MYO9A: variants seen among roughly 807,000 people sequenced by gnomAD.
MYO9A encodes the protein myosin IXA.
Under a neutral mutation model 293.3 loss-of-function variants are expected in MYO9A, and 103 were observed. The observed-to-expected ratio is 0.35, with a 90% CI of 0.30 to 0.41. The LOEUF (loss-of-function observed/expected upper bound fraction) is 0.41. Ranked by LOEUF, MYO9A falls within the 10% of genes least tolerant of loss-of-function variation. The pLI is 1.00. For missense variants in MYO9A, 2,685 were observed against 3,033.0 expected, an observed-to-expected ratio of 0.89 and a Z score of 2.69; for synonymous variants, 1,001 against 1,035.7, an observed-to-expected ratio of 0.97 and a Z score of 0.64.
intron 15 of MYO9A, among the ~76,000 whole-genome samples, chr15:71,947,642 A>G (rs1461159316): frequency 6.6e-6 from 1 of 152,196 alleles, no homozygotes; most frequent in African/African-American, 2.4e-5. Context: ...ACAATCCACT[A>G]AACTTTCAAT....
intron 5 of MYO9A, among the ~76,000 whole-genome samples, chr15:72,019,572 A>T (rs561491590): frequency 4.6e-5 from 7 of 152,342 alleles, no homozygotes; most frequent in Admixed American, 3.3e-4. Flanking sequence ...AAGCTATTTA[A>T]TTCTATGTGT....
chr15:72,059,992 T>C (rs28446198), intron 1 of MYO9A, among the ~76,000 whole-genome samples: 1,949 of 152,320 alleles, frequency 0.013, 28 homozygotes, highest in African/African-American at 0.02. Flanking sequence ...AGCCACCATA[T>C]GCACAGACTA....
In MYO9A at chr15:71,840,285, G is replaced by A. The variant is rs147385809; in HGVS notation, c.6837+8560C>T. On this transcript the variant is annotated intron_variant, in intron 39 of 41. Transcript: ENST00000356056. ...TAGTTCTGCATCCATTGGATGTGGA[G>A]TCCTTTTTCCTTGCACCTGAGTTGT... 5.6e-3 allele frequency among the ~76,000 whole-genome samples: 860 copies of A among 152,372 alleles called. 12 individuals carry two copies. The highest frequency in any genetic ancestry group is 0.02 in the African/African-American group (814 of 41,588).
At chr15:72,082,816 G>A (rs185906535) in intron 1 of MYO9A, among the ~76,000 whole-genome samples, 23 of 149,928 alleles carry the variant, frequency 1.5e-4, no homozygotes, top group Non-Finnish European at 3.0e-4. Flanking sequence ...TTTATGTGAC[G>A]AATCACATTT....
rs187182350 is a variant in MYO9A, at chr15:72,001,526, C to A, written c.1381-1586G>T. Among the ~76,000 whole-genome samples the A allele has an allele frequency of 4.5e-4, 63 of 138,722 alleles. 1 individual carries two copies. In the East Asian group the frequency reaches 0.01, roughly 23 times the overall value. 91.0% of individuals were successfully genotyped at this position (138,722 alleles called of 152,430 possible). A position where few individuals can be genotyped will look rare whatever the true frequency, so the allele number is the denominator to read the frequency against. ...CCGAGACCACACCACTGCACTCCAG[C>A]CTAGGAGACAGAGTCAGACTCCATC... On this transcript the variant is annotated intron_variant, in intron 8 of 41. Transcript: ENST00000356056.
chr15:71,863,258 C>A (rs1244925354), intron 32 of MYO9A, among the ~76,000 whole-genome samples: 1 of 151,804 alleles, frequency 6.6e-6, no homozygotes, highest in South Asian at 2.1e-4. Context: ...TTTGTAATCT[C>A]AGGAAACTTT....
chr15:72,024,866 T>C (rs1051443155), intron 4 of MYO9A, among the ~76,000 whole-genome samples: 3 of 151,728 alleles, frequency 2.0e-5, no homozygotes, highest in Non-Finnish European at 4.4e-5. Context: ...AATGGTACAC[T>C]AGAAAACATT....
At chr15:71,925,486 ATCTG>A (rs909215878) in intron 18 of MYO9A, among the ~76,000 whole-genome samples, 15 of 151,370 alleles carry the variant, frequency 9.9e-5, no homozygotes, top group African/African-American at 3.2e-4. Flanking sequence ...CTTACTATTT[ATCTG>A]TCTGTTTTGG....
chr15:72,010,265 T>C, intron 7 of MYO9A, 85 bp downstream of exon 7: 1 of 1,114,800 alleles, frequency 9.0e-7, no homozygotes, highest in Non-Finnish European at 1.3e-6. Context: ...TAGAAAACTA[T>C]TTAAAAAGGT....
intron 20 of MYO9A, 60 bp from the exon 21 acceptor site, chr15:71,904,099 T>C (rs2057561108): frequency 1.5e-5 from 20 of 1,308,978 alleles, no homozygotes; most frequent in Non-Finnish European, 2.2e-5. Context: ...AATTATCTGT[T>C]TATAAGCATG....
At chr15:71,932,649 T>G (rs2058510024) in intron 18 of MYO9A, among the ~76,000 whole-genome samples, 1 of 151,782 alleles carries the variant, frequency 6.6e-6, no homozygotes, top group Non-Finnish European at 1.5e-5. Context: ...GGAGTGTGCT[T>G]TTTAACTGCT....
At position 71,898,756 on chromosome 15, in the gene MYO9A, A is replaced by G. The variant is rs769603326; in HGVS notation, c.3747T>C (p.Asp1249=). The G allele has an allele frequency of 6.8e-6, 11 of 1,613,906 alleles. No homozygotes were observed. The highest frequency in any genetic ancestry group is 9.3e-6 in the Non-Finnish European group (11 of 1,179,960). The change falls in exon 25 of 42, where the codon GAT becomes GAC. Residue 1249 remains aspartate (D), a synonymous_variant. Coordinates refer to ENST00000356056, the MANE Select transcript of MYO9A (RefSeq NM_006901.4). ...QSQSGVDLQE[D]VLVRERPRSL... is the part of the protein sequence containing the mutation. ...ATCTGGGTCTCTCTCTTACAAGCACATCTTCCTGCAAGTCCACACCACTCT... is the reference window on the plus strand; with the variant it reads ...ATCTGGGTCTCTCTCTTACAAGCACGTCTTCCTGCAAGTCCACACCACTCT...
chr15:71,957,217 T>A (rs531320781), intron 14 of MYO9A, among the ~76,000 whole-genome samples: 2 of 152,174 alleles, frequency 1.3e-5, no homozygotes, highest in Non-Finnish European at 2.9e-5. Flanking sequence ...ATTTTCCATA[T>A]CCTCACTAAA....
chr15:71,826,322 C>A lies in MYO9A; in HGVS notation c.*258G>T. 1 of 408,506 alleles carries A rather than the reference C, an allele frequency of 2.4e-6. No homozygotes were observed. The highest frequency in any genetic ancestry group is 4.3e-6 in the Non-Finnish European group (1 of 231,558). The allele number at this position is 408,506 out of a possible 1,614,324, so 25.3% of individuals were successfully genotyped here. A position where few individuals can be genotyped will look rare whatever the true frequency, so the allele number is the denominator to read the frequency against. On this transcript the variant is annotated 3_prime_UTR_variant, in exon 42 of 42. Coordinates refer to ENST00000356056, the MANE Select transcript of MYO9A (RefSeq NM_006901.4). ...AGGCAACTACAACTGACCCAAATCC[C>A]CAGGCCCTAGGTGGCTTTGTATAGT...
At chr15:72,011,215 T>C (rs1190423546) in intron 6 of MYO9A, among the ~76,000 whole-genome samples, 1 of 151,920 alleles carries the variant, frequency 6.6e-6, no homozygotes, top group Non-Finnish European at 1.5e-5. Context: ...TTTCACCACA[T>C]TGCCCAGGCT....
chr15:72,051,242 T>C (rs1486360871), intron 1 of MYO9A, among the ~76,000 whole-genome samples: 1 of 152,154 alleles, frequency 6.6e-6, no homozygotes, highest in African/African-American at 2.4e-5. Flanking sequence ...GGCCCATCTA[T>C]AGCGGCCACT....
chr15:72,094,347 T>C lies in MYO9A; in HGVS notation c.-72+23333A>G, dbSNP rs2080011020. 4.1e-5 allele frequency among the ~76,000 whole-genome samples: 2 copies of C among 48,622 alleles called. 1 individual carries two copies. The highest frequency in any genetic ancestry group is 7.3e-5 in the African/African-American group (2 of 27,518). The allele number at this position is 48,622 out of a possible 152,430, so 31.9% of individuals were successfully genotyped here. On this transcript the variant is annotated intron_variant, in intron 1 of 41. Transcript: ENST00000356056. ...CCTCATTTTATCGCACTTTGCTTTA[T>C]TGCACTTCACAGATAGTGATTTTTT...
intron 1 of MYO9A, among the ~76,000 whole-genome samples, chr15:72,079,953 T>G (rs919683567): frequency 1.3e-5 from 2 of 152,234 alleles, no homozygotes; most frequent in African/African-American, 4.8e-5. Context: ...CATTTTTACC[T>G]GTAAGTATTT....
chr15:71,828,590 G>A (rs138780764), intron 40 of MYO9A, among the ~76,000 whole-genome samples: 3 of 152,116 alleles, frequency 2.0e-5, no homozygotes, highest in South Asian at 4.2e-4. Context: ...TTCAGTTGTC[G>A]TATTCTCTAG....
Sources: allele counts gnomAD v4.1 joint callset (sites outside exome capture counted in the v4.1 genomes callset), GRCh38; gene constraint gnomAD v4.1.1; transcripts MANE v1.5; gene names NCBI Gene and HGNC (gene_info 2026-07-23, HGNC 2026-07-21).